Variants in ERCC6L observed in about 807,000 individuals in gnomAD.
The protein encoded by ERCC6L is DNA excision repair protein ERCC-6-like.
ERCC6L carries 7 observed loss-of-function variants against 20.1 expected under a neutral mutation model. The observed-to-expected ratio is 0.35, with a 90% CI of 0.20 to 0.65. ERCC6L has a LOEUF of 0.65. ERCC6L is among the 30% of genes least tolerant of loss of function. The pLI, the probability that ERCC6L is intolerant of heterozygous loss-of-function variation, is 0.69. For missense variants in ERCC6L, 592 were observed against 892.4 expected, an observed-to-expected ratio of 0.66 and a Z score of 4.29; for synonymous variants, 278 against 331.3, an observed-to-expected ratio of 0.84 and a Z score of 1.75.
At chrX:72,227,943 A>G (rs915316291) in intron 1 of ERCC6L, among the ~76,000 whole-genome samples, 21 of 112,877 alleles carry the variant, frequency 1.9e-4, no homozygotes, top group African/African-American at 6.1e-4. Flanking sequence ...TTGCCCTGGC[A>G]TGCTTATACT....
rs1441825476 is a variant in ERCC6L at position 72,206,922 on chromosome X, A to C, written c.1845T>G (p.Pro615=). 8.3e-7 allele frequency: 1 copy of C among 1,211,185 alleles called. No homozygotes were observed. The highest frequency in any genetic ancestry group is 1.8e-5 in the South Asian group (1 of 56,754). Residue 615 remains proline (P), a synonymous_variant, in exon 2 of 2, where the codon CCT becomes CCG. Transcript: ENST00000334463. ...ATTCTTGTTTACTAAAATATCGGAA[A>C]GGGTTCTTTTTTTCACCAGTAGTTT... is the stretch of plus-strand genomic sequence containing the variant. ...IRQTTGEKKN[P]FRYFSKQELR... is the part of the protein sequence containing the mutation.
At chrX:72,214,034 T>A (rs2042873178) in intron 1 of ERCC6L, among the ~76,000 whole-genome samples, 2 of 112,434 alleles carry the variant, frequency 1.8e-5, no homozygotes, top group Admixed American at 1.9e-4. Context: ...AGATGTCTTT[T>A]GATTCTCCAT....
intron 1 of ERCC6L, among the ~76,000 whole-genome samples, chrX:72,233,586 G>A (rs181889164): frequency 1.8e-5 from 2 of 108,852 alleles, no homozygotes; most frequent in African/African-American, 6.7e-5. Context: ...GCTGGGCATG[G>A]TGGTGGGTGC....
In ERCC6L at chrX:72,206,212, G is replaced by A; in HGVS notation, c.2555C>T (p.Pro852Leu). The A allele has an allele frequency of 1.7e-6, 2 of 1,211,077 alleles. No homozygotes were observed. The highest frequency in any genetic ancestry group is 2.2e-6 in the Non-Finnish European group (2 of 895,285). The change falls in exon 2 of 2, where the codon CCT becomes CTT. Residue 852 changes from proline (P) to leucine (L), a missense_variant. Pro to Leu is a moderately conservative substitution (Grantham distance 98). Transcript: ENST00000334463. ...AVQKETLQEGPKQEALQEDPL... is the reference protein window; with the variant it reads ...AVQKETLQEGLKQEALQEDPL... Reference sequence around the variant, plus strand: ...ATCCTCTTGCAGTGCCTCTTGCTTAGGCCCCTCTTGTAATGTCTCTTTTTG... The same window carrying A: ...ATCCTCTTGCAGTGCCTCTTGCTTAAGCCCCTCTTGTAATGTCTCTTTTTG...
rs1204058315 is a variant in ERCC6L at position 72,238,967 on chromosome X, A to AGCTTGGG, written c.-57_-56insCCCAAGC. 2.0e-6 allele frequency: 2 copies of AGCTTGGG among 1,013,358 alleles called. No individual in the cohort carries two copies. The highest frequency in any genetic ancestry group is 3.7e-5 in the African/African-American group (2 of 53,385). 83.5% of individuals were successfully genotyped at this position (1,013,358 alleles called of 1,213,427 possible). On this transcript the variant is annotated 5_prime_UTR_variant, in exon 1 of 2. The change creates a premature stop within an existing upstream ORF in the 5' untranslated region. Transcript: ENST00000334463. The stretch of plus-strand genomic sequence containing the variant: ...CGGGAGTTTGGAGCTTGGAGCTTGG[A>AGCTTGGG]GCTTGGAGCTTGGAGCTTAGAGTTT...
rs150211194 is a variant in ERCC6L at position 72,206,183 on chromosome X, G to A, written c.2584C>T (p.Leu862=). The A allele has an allele frequency of 2.6e-5, 31 of 1,210,146 alleles. No individual in the cohort carries two copies. Among genetic ancestry groups the A allele is most frequent in the Admixed American group, 4.4e-5 (2 of 45,687 alleles). Residue 862 remains leucine, a synonymous_variant, in exon 2 of 2, where the codon CTG becomes TTG. Transcript: ENST00000334463. ...CTAAGTACATAATTAAAACTTTCCA[G>A]AGGATCCTCTTGCAGTGCCTCTTGC... The part of the protein sequence containing the change: ...PKQEALQEDP[L]ESFNYVLSKS...
intron 1 of ERCC6L, among the ~76,000 whole-genome samples, chrX:72,209,250 C>T (rs771740915): frequency 1.1e-4 from 12 of 111,457 alleles, no homozygotes; most frequent in Non-Finnish European, 1.9e-4. Flanking sequence ...CTCAAGTTTT[C>T]CCAGAGCTTC....
At chrX:72,225,663 C>A (rs151024478) in intron 1 of ERCC6L, among the ~76,000 whole-genome samples, 3 of 111,859 alleles carry the variant, frequency 2.7e-5, no homozygotes, top group Non-Finnish European at 5.6e-5. Context: ...TATCACTAAA[C>A]CCCTTTATGA....
intron 1 of ERCC6L, among the ~76,000 whole-genome samples, chrX:72,211,901 C>T (rs2042856552): frequency 8.9e-6 from 1 of 112,307 alleles, no homozygotes; most frequent in East Asian, 2.8e-4. Context: ...GCTGGCAAAA[C>T]TGCCCAGTTG....
At chrX:72,226,271 A>G (rs2042953179) in intron 1 of ERCC6L, among the ~76,000 whole-genome samples, 1 of 111,838 alleles carries the variant, frequency 8.9e-6, no homozygotes. Flanking sequence ...ATTGGTTTAT[A>G]GATGGCAGTG....
chrX:72,224,941 C>T (rs958812306), intron 1 of ERCC6L, among the ~76,000 whole-genome samples: 11 of 111,163 alleles, frequency 9.9e-5, no homozygotes, highest in Non-Finnish European at 2.1e-4. Context: ...CCATCATCTA[C>T]TGACTTTTGG....
chrX:72,235,610 C>A (rs1167983079), intron 1 of ERCC6L, among the ~76,000 whole-genome samples: 1 of 110,964 alleles, frequency 9.0e-6, no homozygotes, highest in African/African-American at 3.3e-5. Flanking sequence ...CCAGGCTGGT[C>A]TCGAACTCCT....
chrX:72,223,401 G>A (rs762823124), intron 1 of ERCC6L, among the ~76,000 whole-genome samples: 38 of 105,126 alleles, frequency 3.6e-4, no homozygotes, highest in African/African-American at 1.2e-3. Context: ...TCCTAAATGC[G>A]GCCTTTGGAG....
At chrX:72,222,595 CTTTTTT>C (rs758259884) in intron 1 of ERCC6L, among the ~76,000 whole-genome samples, 1 of 85,055 alleles carries the variant, frequency 1.2e-5, no homozygotes, top group African/African-American at 4.6e-5. Flanking sequence ...AGAATCCAGC[CTTTTTT>C]TTTTTTTTTT....
At chrX:72,228,930 G>A (rs1276598964) in intron 1 of ERCC6L, among the ~76,000 whole-genome samples, 1 of 110,767 alleles carries the variant, frequency 9.0e-6, no homozygotes, top group Non-Finnish European at 1.9e-5. Flanking sequence ...AGCCCTTCCT[G>A]CATCCCTTCA....
At chrX:72,225,705 A>T (rs941573131) in intron 1 of ERCC6L, among the ~76,000 whole-genome samples, 1 of 110,206 alleles carries the variant, frequency 9.1e-6, no homozygotes, top group Non-Finnish European at 1.9e-5. Context: ...CCAACCACTC[A>T]CTCCCACTCC....
Position 72,205,072 on chromosome X carries a change from G to A in ERCC6L, c.3695C>T (p.Ala1232Val). The stretch of plus-strand genomic sequence containing the variant: ...AGTCAAGAGCATAACTTCAGGATCT[G>A]CACTTTTTATGTCAAGCGCTTTAAC... ...CLVKALDIKS[A>V]DPEVMLLTLS... Residue 1232 changes from alanine (A) to valine (V), a missense_variant, in exon 2 of 2, where the codon GCA becomes GTA. By Grantham distance (64) the Ala-to-Val change is moderately conservative. Transcript: ENST00000334463. 1 of 1,210,065 alleles carries A rather than the reference G, an allele frequency of 8.3e-7. No individual in the cohort carries two copies.
At chrX:72,235,648 C>T (rs2043013394) in intron 1 of ERCC6L, among the ~76,000 whole-genome samples, 1 of 111,761 alleles carries the variant, frequency 8.9e-6, no homozygotes. Flanking sequence ...CCACCTTGGC[C>T]TCCCCAAGTG....
At position 72,208,269 on chromosome X, in the gene ERCC6L, C is replaced by T. The variant is rs7056605; in HGVS notation, c.498G>A (p.Lys166=). The change falls in exon 2 of 2, where the codon AAG becomes AAA. Residue 166 remains lysine, a synonymous_variant. Coordinates refer to ENST00000334463, the MANE Select transcript of ERCC6L (RefSeq NM_017669.4). ...LINTWVKEFI[K]WTPGMRVKTF... ...TTTTGACTCTCATTCCTGGAGTCCA[C>T]TTGATGAATTCTTTTACCCATGTGT... The T allele has an allele frequency of 4.3e-3, 5,221 of 1,209,988 alleles. 169 individuals are homozygous for T. The African/African-American group carries it at 0.082, about 19-fold the overall frequency.
Sources: allele counts gnomAD v4.1 joint callset (sites outside exome capture counted in the v4.1 genomes callset), GRCh38; gene constraint gnomAD v4.1.1; transcripts MANE v1.5; gene names NCBI Gene and HGNC (gene_info 2026-07-23, HGNC 2026-07-21).